The following KCNQ1 variants were observed in gnomAD, a reference collection of about 807,000 sequenced individuals.
KCNQ1 encodes potassium voltage-gated channel subfamily KQT member 1.
A neutral mutation model predicts 72.4 loss-of-function variants in KCNQ1; 49 were observed. The ratio of observed to expected loss-of-function variants is 0.68; its 90% confidence interval spans 0.54 to 0.86. The LOEUF (loss-of-function observed/expected upper bound fraction) is 0.86. KCNQ1 is among the 40% of genes least tolerant of loss of function. The pLI, the probability that KCNQ1 is intolerant of heterozygous loss-of-function variation, is 0.00. For synonymous variants in KCNQ1, 450 were observed against 412.6 expected (o/e 1.09, Z -1.10); for missense variants, 790 against 945.1 (o/e 0.84, Z 2.15).
rs1564891293 is a variant in KCNQ1 at position 2,781,716 on chromosome 11, C to CTCATACTGCTT, written c.1794+3681_1794+3691dup. 6.6e-6 allele frequency among the ~76,000 whole-genome samples: 1 copy of CTCATACTGCTT among 152,252 alleles called. No individual in the cohort carries two copies. The highest frequency in any genetic ancestry group is 2.4e-5 in the African/African-American group (1 of 41,478). On this transcript the variant is annotated intron_variant, in intron 15 of 15. Transcript: ENST00000155840. The surrounding 1 kb of genome is among the most constrained non-coding windows in gnomAD (Gnocchi z 6.6). ...GGCCCTGTTTATTTTGCAAGCTAAGCTCATACTGCTTTTGCTGATATGAGG... is the reference window on the plus strand; with the variant it reads ...GGCCCTGTTTATTTTGCAAGCTAAGCTCATACTGCTTTCATACTGCTTTTGCTGATATGAGG...
chr11:2,610,246 T>C, intron 10 of KCNQ1: 1 of 398,080 alleles, frequency 2.5e-6, no homozygotes, highest in South Asian at 1.3e-4. Context: ...ATATTAATCC[T>C]GGTGAGATAC....
At chr11:2,460,733 TC>T (rs1846265412) in intron 1 of KCNQ1, among the ~76,000 whole-genome samples, 1 of 152,172 alleles carries the variant, frequency 6.6e-6, no homozygotes, top group African/African-American at 2.4e-5. Context: ...CAACCCCCCA[TC>T]CGGGTGGCTG....
Position 2,772,205 on chromosome 11 carries a change from C to G in KCNQ1, c.1590+3286C>G, listed in dbSNP as rs538823894. Reference sequence around the variant, plus strand: ...CACCTCTCAGGATGCTTCCCTTCCTCGACGCCTGCCTGTCTGCTTGCTTGC... The same window carrying G: ...CACCTCTCAGGATGCTTCCCTTCCTGGACGCCTGCCTGTCTGCTTGCTTGC... On this transcript the variant is annotated intron_variant, in intron 12 of 15. Transcript: ENST00000155840. The surrounding 1 kb of genome is among the most constrained non-coding windows in gnomAD (Gnocchi z 6.6). 7.2e-5 allele frequency among the ~76,000 whole-genome samples: 11 copies of G among 152,056 alleles called. No homozygotes were observed. Among genetic ancestry groups the G allele is most frequent in the African/African-American group, 2.7e-4 (11 of 41,490 alleles).
intron 1 of KCNQ1, 127 bp downstream of exon 1, chr11:2,445,611 G>T: frequency 8.9e-7 from 1 of 1,123,638 alleles, no homozygotes; most frequent in Non-Finnish European, 1.3e-6. Flanking sequence ...GAAGGAAGTG[G>T]GGAAACGCAG....
At chr11:2,718,391 T>C (rs1437076412) in intron 11 of KCNQ1, among the ~76,000 whole-genome samples, 1 of 152,172 alleles carries the variant, frequency 6.6e-6, no homozygotes, top group Non-Finnish European at 1.5e-5. Context: ...GGGCCCCTCC[T>C]GAAGCCGGAA....
At chr11:2,628,584 C>T (rs1223953561) in intron 10 of KCNQ1, 1 of 398,304 alleles carries the variant, frequency 2.5e-6, no homozygotes, top group African/African-American at 2.1e-5. Flanking sequence ...TCTCCCGCTA[C>T]ATGTGCTGCC....
At chr11:2,737,862 G>A (rs1019565398) in intron 11 of KCNQ1, among the ~76,000 whole-genome samples, 3 of 152,210 alleles carry the variant, frequency 2.0e-5, no homozygotes, top group Non-Finnish European at 2.9e-5. Flanking sequence ...ATGTGAGGCG[G>A]TCATAATACA....
In KCNQ1 at chr11:2,543,012, A is replaced by T. The variant is rs1435616966; in HGVS notation, c.477+14994A>T. 6.6e-6 allele frequency among the ~76,000 whole-genome samples: 1 copy of T among 152,204 alleles called. No individual in the cohort carries two copies. Among genetic ancestry groups the T allele is most frequent in the African/African-American group, 2.4e-5 (1 of 41,442 alleles). On this transcript the variant is annotated intron_variant, in intron 2 of 15. Coordinates refer to ENST00000155840, the MANE Select transcript of KCNQ1 (RefSeq NM_000218.3). This position sits in a 1 kb window ranked among gnomAD's most constrained non-coding sequence, Gnocchi z 5.6. ...GTGGTCCGTCATTTTCATGTTAGCC[A>T]GTCTAAGAGGTGTGCGTGGCATCCT... is the stretch of plus-strand genomic sequence containing the variant.
chr11:2,655,204 C>G, intron 10 of KCNQ1: 1 of 398,632 alleles, frequency 2.5e-6, no homozygotes, highest in Non-Finnish European at 4.4e-6. Context: ...CCAGCGTCCC[C>G]AGCTGGGGTA....
At chr11:2,707,817 C>G (rs146683239) in intron 11 of KCNQ1, among the ~76,000 whole-genome samples, 3 of 152,362 alleles carry the variant, frequency 2.0e-5, no homozygotes, top group African/African-American at 2.4e-5. Context: ...TATCCCTCCC[C>G]CTCTGCCACA....
At chr11:2,604,938 C>T (rs1848859051) in intron 10 of KCNQ1, among the ~76,000 whole-genome samples, 2 of 152,206 alleles carry the variant, frequency 1.3e-5, no homozygotes, top group Non-Finnish European at 2.9e-5. Flanking sequence ...CGCAAGTTCT[C>T]CATATCCTCA....
chr11:2,713,727 G>T lies in KCNQ1; in HGVS notation c.1514+51646G>T, dbSNP rs903871947. Among the ~76,000 whole-genome samples the T allele has an allele frequency of 2.0e-5, 3 of 152,194 alleles. No individual in the cohort carries two copies. The highest frequency in any genetic ancestry group is 1.3e-4 in the Admixed American group (2 of 15,288). ...AAGCCAAGTGCCGGGTGAAGGCCTG[G>T]GGAGGAATCTGGGTTCTCTTGGCTG... On this transcript the variant is annotated intron_variant, in intron 11 of 15. Transcript: ENST00000155840. The surrounding 1 kb of genome is among the most constrained non-coding windows in gnomAD (Gnocchi z 5.6).
At chr11:2,660,692 G>A in intron 10 of KCNQ1, 1 of 398,570 alleles carries the variant, frequency 2.5e-6, no homozygotes, top group African/African-American at 2.1e-5. Context: ...CCCTGCAAAA[G>A]GTGCTGACAA....
Position 2,677,694 on chromosome 11 carries a change from CA to C in KCNQ1, c.1514+15616del, listed in dbSNP as rs1282126043. 4.8e-5 allele frequency: 19 copies of C among 398,374 alleles called. No homozygotes were observed. Among genetic ancestry groups the C allele is most frequent in the African/African-American group, 3.5e-4 (17 of 48,610 alleles). The allele number at this position is 398,374 out of a possible 1,614,324, so 24.7% of individuals were successfully genotyped here. ...TAATATTTTAACTACTGTTATTTTT[CA>C]AATTAACTTCCCAATCAAATATCTC... On this transcript the variant is annotated intron_variant, in intron 11 of 15. Coordinates refer to ENST00000155840, the MANE Select transcript of KCNQ1 (RefSeq NM_000218.3). This position sits in a 1 kb window ranked among gnomAD's most constrained non-coding sequence, Gnocchi z 4.5.
In KCNQ1 at chr11:2,466,525, G is replaced by A. The variant is rs559320455; in HGVS notation, c.386+21041G>A. ...ACAGCCTTCTGACCCTTGCTGGCCT[G>A]TCGTGGAGTGGGGTTCAAGATGCTA... On this transcript the variant is annotated intron_variant, in intron 1 of 15. Coordinates refer to ENST00000155840, the MANE Select transcript of KCNQ1 (RefSeq NM_000218.3). Among the ~76,000 whole-genome samples, 62 of 152,310 alleles carry A rather than the reference G, an allele frequency of 4.1e-4. 1 individual carries two copies. The South Asian group carries it at 6.0e-3, about 15-fold the overall frequency.
chr11:2,680,000 TCTC>T lies in KCNQ1; in HGVS notation c.1514+17922_1514+17924del. ...CCTCTACCTCCTGGGTTCAAGCAATTCTCCTGCCTTAGCCTCCCTAGTAGCTGG... is the reference window on the plus strand; with the variant it reads ...CCTCTACCTCCTGGGTTCAAGCAATTCTGCCTTAGCCTCCCTAGTAGCTGG... On this transcript the variant is annotated intron_variant, in intron 11 of 15. Transcript: ENST00000155840. This position sits in a 1 kb window ranked among gnomAD's most constrained non-coding sequence, Gnocchi z 4.8. 2.5e-6 allele frequency: 1 copy of T among 397,028 alleles called. No homozygotes were observed. Among genetic ancestry groups the T allele is most frequent in the Non-Finnish European group, 4.4e-6 (1 of 225,768 alleles). The allele number at this position is 397,028 out of a possible 1,614,324, so 24.6% of individuals were successfully genotyped here. A position where few individuals can be genotyped will look rare whatever the true frequency, so the allele number is the denominator to read the frequency against.
At chr11:2,552,341 T>G (rs1243974448) in intron 2 of KCNQ1, among the ~76,000 whole-genome samples, 2 of 152,222 alleles carry the variant, frequency 1.3e-5, no homozygotes, top group Non-Finnish European at 1.5e-5. Context: ...TCCCAGAGAC[T>G]TTTTTCCCAT....
chr11:2,763,393 ATCT>A, intron 11 of KCNQ1, among the ~76,000 whole-genome samples: 1 of 108,354 alleles, frequency 9.2e-6, no homozygotes. Context: ...ACAAGACCCC[ATCT>A]TAGAAGAAAA....
chr11:2,492,660 C>T lies in KCNQ1; in HGVS notation c.387-35268C>T, dbSNP rs552548795. On this transcript the variant is annotated intron_variant, in intron 1 of 15. Transcript: ENST00000155840. The surrounding 1 kb of genome is among the most constrained non-coding windows in gnomAD (Gnocchi z 4.1). ...GTTTGCCGAGAATGGTTTCCAGCTTCATCCCCACAAAAGACATGAACTCAT... is the reference window on the plus strand; with the variant it reads ...GTTTGCCGAGAATGGTTTCCAGCTTTATCCCCACAAAAGACATGAACTCAT... Among the ~76,000 whole-genome samples, 73 of 152,074 alleles carry T rather than the reference C, an allele frequency of 4.8e-4. No homozygotes were observed. The highest frequency in any genetic ancestry group is 1.6e-3 in the African/African-American group (66 of 41,546).
Sources: allele counts gnomAD v4.1 joint callset (sites outside exome capture counted in the v4.1 genomes callset), GRCh38; gene constraint gnomAD v4.1.1; non-coding constraint Gnocchi (gnomAD v3.1); transcripts MANE v1.5; gene names NCBI Gene and HGNC (gene_info 2026-07-23, HGNC 2026-07-21).